KLHL7: variants seen among roughly 807,000 people sequenced by gnomAD.
KLHL7 encodes the protein kelch like family member 7, also known as kelch-like protein 7.
A neutral mutation model predicts 67.4 loss-of-function variants in KLHL7; 44 were observed. The observed-to-expected ratio is 0.65, with a 90% confidence interval of 0.51 to 0.84. The LOEUF is 0.84. Among genes scored for constraint, KLHL7 ranks in the 40% least tolerant of loss-of-function variants. The pLI, the probability that KLHL7 is intolerant of heterozygous loss-of-function variation, is 0.00. For missense variants in KLHL7, 362 were observed against 718.1 expected (o/e 0.50, Z 5.67); for synonymous variants, 252 against 243.3 (o/e 1.04, Z -0.33).
chr7:23,116,565 CTTTCTT>C (rs1783098180), intron 1 of KLHL7, among the ~76,000 whole-genome samples: 1 of 152,134 alleles, frequency 6.6e-6, no homozygotes. Context: ...ATTAGAATAC[CTTTCTT>C]TTTCTTTTCC....
Position 23,155,660 on chromosome 7 carries a change from C to CA in KLHL7, c.936+3458dup, listed in dbSNP as rs374674317. Reference sequence around the variant, plus strand: ...GCCTGGGCAACAAGAGAACAGCAACCAAAAAAACAAAACAAAACAAAACAA... The same window carrying CA: ...GCCTGGGCAACAAGAGAACAGCAACCAAAAAAAACAAAACAAAACAAAACAA... On this transcript the variant is annotated intron_variant, in intron 7 of 10. Coordinates refer to ENST00000339077, the MANE Select transcript of KLHL7 (RefSeq NM_001031710.3). 5.8e-3 allele frequency among the ~76,000 whole-genome samples: 847 copies of CA among 146,446 alleles called. 3 individuals carry two copies. Among genetic ancestry groups the CA allele is most frequent in the Non-Finnish European group, 8.4e-3 (562 of 66,556 alleles).
chr7:23,115,392 C>G (rs1055505962), intron 1 of KLHL7, among the ~76,000 whole-genome samples: 1 of 152,176 alleles, frequency 6.6e-6, no homozygotes, highest in African/African-American at 2.4e-5. Context: ...GCTTGCCAGT[C>G]TGAATCAGCT....
intron 7 of KLHL7, among the ~76,000 whole-genome samples, chr7:23,158,689 G>A (rs1162543362): frequency 6.6e-6 from 1 of 152,182 alleles, no homozygotes; most frequent in Non-Finnish European, 1.5e-5. Context: ...ACCAGCAAGG[G>A]ATATGAAAGA....
chr7:23,144,272 A>G (rs1181120858), intron 6 of KLHL7, among the ~76,000 whole-genome samples: 1 of 152,166 alleles, frequency 6.6e-6, no homozygotes, highest in Admixed American at 6.5e-5. Flanking sequence ...CTTGTATACA[A>G]TAACTTTCAT....
chr7:23,143,994 A>G lies in KLHL7; in HGVS notation c.762A>G (p.Gln254=). 1 of 1,613,976 alleles carries G rather than the reference A, an allele frequency of 6.2e-7. No homozygotes were observed. Among genetic ancestry groups the G allele is most frequent in the Non-Finnish European group, 8.5e-7 (1 of 1,179,948 alleles). Residue 254 remains glutamine (Q), a synonymous_variant, in exon 6 of 11, where the codon CAA becomes CAG. Transcript: ENST00000339077. The part of the protein sequence containing the change: ...SKTVQAEPLI[Q]DNPECLKMVI... ...CGGTACAAGCTGAACCACTTATTCA[A>G]GACAATCCTGAATGCCTTAAGATGG... is the stretch of plus-strand genomic sequence containing the variant.
In KLHL7 at chr7:23,175,428, A is replaced by T; in HGVS notation, c.*1130A>T. The T allele has an allele frequency of 2.3e-6, 1 of 427,492 alleles. No individual in the cohort carries two copies. Among genetic ancestry groups the T allele is most frequent in the Non-Finnish European group, 4.6e-6 (1 of 218,824 alleles). 26.5% of individuals were successfully genotyped at this position (427,492 alleles called of 1,614,324 possible). ...AATATTTTTTAACTTAAAATAGGCCACTCAGTTTGTTCTTCAAGTATTTTA... is the reference window on the plus strand; with the variant it reads ...AATATTTTTTAACTTAAAATAGGCCTCTCAGTTTGTTCTTCAAGTATTTTA... On this transcript the variant is annotated 3_prime_UTR_variant, in exon 11 of 11. Coordinates refer to ENST00000339077, the MANE Select transcript of KLHL7 (RefSeq NM_001031710.3).
chr7:23,136,366 C>T (rs1182373648), intron 4 of KLHL7, among the ~76,000 whole-genome samples: 1 of 152,192 alleles, frequency 6.6e-6, no homozygotes, highest in Admixed American at 6.5e-5. Flanking sequence ...GGTTAGGTTT[C>T]TTACTTGCAA....
At chr7:23,161,608 G>C (rs2128468714) in intron 7 of KLHL7, among the ~76,000 whole-genome samples, 2 of 152,294 alleles carry the variant, frequency 1.3e-5, no homozygotes, top group East Asian at 3.9e-4. Flanking sequence ...CCCAGGAACT[G>C]CCGGCTGGTT....
intron 9 of KLHL7, chr7:23,172,682 A>G: frequency 3.3e-6 from 1 of 306,348 alleles, no homozygotes; most frequent in Non-Finnish European, 6.1e-6. Context: ...GATTTCCTCT[A>G]AAAACGTGTT....
intron 1 of KLHL7, chr7:23,106,509 G>A (rs771940262): frequency 5.2e-6 from 6 of 1,143,616 alleles, no homozygotes; most frequent in Non-Finnish European, 6.5e-6. Flanking sequence ...GATCTTGTGT[G>A]AAGAAACCCG....
chr7:23,134,870 C>A (rs1301558606), intron 4 of KLHL7, among the ~76,000 whole-genome samples: 1 of 151,910 alleles, frequency 6.6e-6, no homozygotes, highest in Non-Finnish European at 1.5e-5. Flanking sequence ...AAGGTTTGTC[C>A]ATTTTGTTTT....
rs578105253 is a variant in KLHL7, at chr7:23,172,837, C to T, written c.1380-111C>T. ...TCTAGACATTTTGTGCGTATATGTA[C>T]ACATATGTGAGTAGTAAATGAGCAC... On this transcript the variant is annotated intron_variant, in intron 9 of 10. Coordinates refer to ENST00000339077, the MANE Select transcript of KLHL7 (RefSeq NM_001031710.3). 11 of 799,694 alleles carry T rather than the reference C, an allele frequency of 1.4e-5. 1 individual carries two copies. In the South Asian group the frequency reaches 1.4e-4, roughly 10 times the overall value. 49.5% of individuals were successfully genotyped at this position (799,694 alleles called of 1,614,324 possible).
At chr7:23,142,627 T>C (rs1421979336) in intron 5 of KLHL7, among the ~76,000 whole-genome samples, 1 of 152,164 alleles carries the variant, frequency 6.6e-6, no homozygotes, top group Non-Finnish European at 1.5e-5. Flanking sequence ...CTTGATGTAA[T>C]GAAAATGCCA....
intron 1 of KLHL7, among the ~76,000 whole-genome samples, chr7:23,119,720 C>T (rs183313306): frequency 6.6e-6 from 1 of 152,018 alleles, no homozygotes; most frequent in African/African-American, 2.4e-5. Context: ...TAATGAAGAT[C>T]CCTCACATTT....
At chr7:23,107,428 G>T (rs2128455228) in intron 1 of KLHL7, among the ~76,000 whole-genome samples, 1 of 152,300 alleles carries the variant, frequency 6.6e-6, no homozygotes, top group African/African-American at 2.4e-5. Flanking sequence ...ACTCGTTGAA[G>T]ACTCATTAGG....
At chr7:23,131,975 G>T (rs1365030678) in intron 4 of KLHL7, among the ~76,000 whole-genome samples, 2 of 152,048 alleles carry the variant, frequency 1.3e-5, no homozygotes, top group Non-Finnish European at 2.9e-5. Context: ...TGTTGCAAAT[G>T]ACTAGATCTC....
chr7:23,148,896 T>C (rs1371671774), intron 6 of KLHL7, among the ~76,000 whole-genome samples: 1 of 152,222 alleles, frequency 6.6e-6, no homozygotes, highest in Non-Finnish European at 1.5e-5. Context: ...GATTGTTCTA[T>C]TACTCCTTGA....
At chr7:23,111,260 G>C (rs913758145) in intron 1 of KLHL7, among the ~76,000 whole-genome samples, 1 of 152,154 alleles carries the variant, frequency 6.6e-6, no homozygotes, top group Non-Finnish European at 1.5e-5. Flanking sequence ...CTCAAGTAGA[G>C]GGAACAACAT....
intron 9 of KLHL7, among the ~76,000 whole-genome samples, chr7:23,168,629 A>G (rs1211095514): frequency 1.3e-5 from 2 of 152,226 alleles, no homozygotes; most frequent in Non-Finnish European, 2.9e-5. Flanking sequence ...CAATGTAGCC[A>G]AAGGAAATGT....
Sources: gnomAD v4.1 joint callset for allele counts (sites outside exome capture counted in the v4.1 genomes callset) on GRCh38, gnomAD v4.1.1 for gene constraint, MANE v1.5 for transcripts, NCBI Gene and HGNC (gene_info 2026-07-23, HGNC 2026-07-21) for gene names.